Variants in SPATA17 observed in about 807,000 individuals in gnomAD.
The protein encoded by SPATA17 is spermatogenesis associated 17, also known as spermatogenesis-associated protein 17.
In SPATA17, 53 loss-of-function variants were observed where a neutral mutation model predicts 62.2. The ratio of observed to expected loss-of-function variants is 0.85; its 90% CI spans 0.68 to 1.07. SPATA17 has a LOEUF of 1.07. SPATA17 is among the 50% of genes least tolerant of loss of function. The pLI is 0.00. For missense variants in SPATA17, 466 were observed against 425.5 expected (o/e 1.10, Z -0.84); for synonymous variants, 146 against 146.8 (o/e 0.99, Z 0.04).
chr1:217,750,885 T>G (rs1454437965), intron 6 of SPATA17, among the ~76,000 whole-genome samples: 1 of 152,150 alleles, frequency 6.6e-6, no homozygotes, highest in Non-Finnish European at 1.5e-5. Flanking sequence ...GTCACACAAC[T>G]AGTTTGAATA....
chr1:217,769,874 G>A (rs542342797), intron 6 of SPATA17, among the ~76,000 whole-genome samples: 3 of 152,296 alleles, frequency 2.0e-5, no homozygotes, highest in African/African-American at 7.2e-5. Flanking sequence ...CTTAGCAAGA[G>A]TAATTGAATG....
At chr1:217,805,605 T>C (rs1177684839) in intron 9 of SPATA17, among the ~76,000 whole-genome samples, 1 of 152,190 alleles carries the variant, frequency 6.6e-6, no homozygotes, top group Non-Finnish European at 1.5e-5. Context: ...GGTAATCATT[T>C]CCTAATGTAT....
At chr1:217,632,663 G>A (rs1306954337) in intron 1 of SPATA17, among the ~76,000 whole-genome samples, 2 of 152,214 alleles carry the variant, frequency 1.3e-5, no homozygotes, top group Admixed American at 6.5e-5. Flanking sequence ...TGTCTCCAAC[G>A]TCTATGATAG....
chr1:217,679,533 G>C (rs1349475577), intron 4 of SPATA17, among the ~76,000 whole-genome samples: 2 of 152,134 alleles, frequency 1.3e-5, no homozygotes, highest in African/African-American at 4.8e-5. Context: ...TCATCTCTAA[G>C]AAAGCCACTT....
intron 6 of SPATA17, among the ~76,000 whole-genome samples, chr1:217,769,941 C>T (rs1673396823): frequency 6.6e-6 from 1 of 152,178 alleles, no homozygotes; most frequent in Non-Finnish European, 1.5e-5. Flanking sequence ...TGACTATCTC[C>T]TAACAGCAGG....
intron 8 of SPATA17, among the ~76,000 whole-genome samples, chr1:217,789,313 T>G (rs571846761): frequency 1.3e-5 from 2 of 152,344 alleles, no homozygotes; most frequent in East Asian, 3.9e-4. Flanking sequence ...CTAATAGCTA[T>G]GAATCTAATG....
At chr1:217,730,379 G>T (rs1197136526) in intron 5 of SPATA17, among the ~76,000 whole-genome samples, 2 of 151,818 alleles carry the variant, frequency 1.3e-5, no homozygotes, top group African/African-American at 2.4e-5. Context: ...ACCACACCTG[G>T]CTTAGTTTTG....
Position 217,713,630 on chromosome 1 carries a change from C to G in SPATA17, c.396-28345C>G, listed in dbSNP as rs143235809. ...CTGTACTCTGAGGCCTAGGCTTTTT[C>G]TCTCAGTTTTTTCAGAAAGCACATC... is the stretch of plus-strand genomic sequence containing the variant. On this transcript the variant is annotated intron_variant, in intron 5 of 10. Transcript: ENST00000366933. 1.3e-3 allele frequency among the ~76,000 whole-genome samples: 204 copies of G among 152,248 alleles called. 1 individual carries two copies. The highest frequency in any genetic ancestry group is 3.7e-3 in the South Asian group (18 of 4,828).
chr1:217,763,094 G>T (rs566491601), intron 6 of SPATA17, among the ~76,000 whole-genome samples: 5 of 152,290 alleles, frequency 3.3e-5, no homozygotes, highest in Admixed American at 3.3e-4. Flanking sequence ...CTTCTAATGC[G>T]CAGCCAGAGT....
At chr1:217,862,896 A>G (rs747489163) in intron 10 of SPATA17, 40 bp downstream of exon 10, 1 of 1,306,282 alleles carries the variant, frequency 7.7e-7, no homozygotes, top group Non-Finnish European at 1.1e-6. Flanking sequence ...AAAGTATATT[A>G]AATAACACTT....
At position 217,680,992 on chromosome 1, in the gene SPATA17, G is replaced by A. The variant is rs1208441292; in HGVS notation, c.292-2266G>A. Reference sequence around the variant, plus strand: ...GCCTGTAATCCCAGCACCTTGGGAGGCCAAGGCAGGCAGATCACGAGGTCA... The same window carrying A: ...GCCTGTAATCCCAGCACCTTGGGAGACCAAGGCAGGCAGATCACGAGGTCA... On this transcript the variant is annotated intron_variant, in intron 4 of 10. Coordinates refer to ENST00000366933, the MANE Select transcript of SPATA17 (RefSeq NM_138796.4). Among the ~76,000 whole-genome samples the A allele has an allele frequency of 5.2e-5, 7 of 134,436 alleles. No individual in the cohort carries two copies. The East Asian group carries it at 8.3e-4, about 16-fold the overall frequency. The allele number at this position is 134,436 out of a possible 152,430, so 88.2% of individuals were successfully genotyped here.
At chr1:217,694,636 G>C (rs1671414423) in intron 5 of SPATA17, among the ~76,000 whole-genome samples, 1 of 149,738 alleles carries the variant, frequency 6.7e-6, no homozygotes, top group African/African-American at 2.5e-5. Flanking sequence ...GGTACCGGTT[G>C]TTCCTTTCCA....
intron 9 of SPATA17, among the ~76,000 whole-genome samples, chr1:217,833,411 G>A (rs144649470): frequency 2.2e-4 from 34 of 152,256 alleles, no homozygotes; most frequent in Non-Finnish European, 3.7e-4. Context: ...GAGGGATAGC[G>A]TTAATAAGAG....
intron 8 of SPATA17, among the ~76,000 whole-genome samples, chr1:217,796,323 T>G (rs1304012553): frequency 6.6e-6 from 1 of 152,080 alleles, no homozygotes; most frequent in East Asian, 1.9e-4. Context: ...TATCAGAAAT[T>G]TGTTGCATAG....
intron 9 of SPATA17, among the ~76,000 whole-genome samples, chr1:217,824,040 T>TA (rs1674930385): frequency 6.6e-6 from 1 of 152,002 alleles, no homozygotes; most frequent in Non-Finnish European, 1.5e-5. Flanking sequence ...AGGCAGCATA[T>TA]AGTTGGGTCT....
rs183412366 is a variant in SPATA17 at position 217,859,433 on chromosome 1, C to T, written c.1006-3341C>T. Among the ~76,000 whole-genome samples, 57 of 151,552 alleles carry T rather than the reference C, an allele frequency of 3.8e-4. No individual in the cohort carries two copies. In the East Asian group the frequency reaches 8.9e-3, roughly 24 times the overall value. On this transcript the variant is annotated intron_variant, in intron 9 of 10. Transcript: ENST00000366933. ...TACGTATATATATAAAGGAATATTA[C>T]GAGGAACTCTGTCATCCATCCTGGA...
chr1:217,827,427 G>A (rs1055511132), intron 9 of SPATA17, among the ~76,000 whole-genome samples: 2 of 152,064 alleles, frequency 1.3e-5, no homozygotes, highest in Non-Finnish European at 2.9e-5. Context: ...CACTGTTGGA[G>A]GGAATGTAAA....
intron 9 of SPATA17, among the ~76,000 whole-genome samples, chr1:217,830,680 AG>A (rs1675120482): frequency 6.6e-6 from 1 of 152,142 alleles, no homozygotes. Context: ...CCATACTTCC[AG>A]GCCATACTTC....
Position 217,844,986 on chromosome 1 carries a change from T to C in SPATA17, c.1006-17788T>C, listed in dbSNP as rs535169332. Among the ~76,000 whole-genome samples, 37 of 152,266 alleles carry C rather than the reference T, an allele frequency of 2.4e-4. No individual in the cohort carries two copies. The East Asian group carries it at 4.6e-3, about 19-fold the overall frequency. ...AAATAGCCAAATACTACATGCATAA[T>C]GAATTTTAATTCTTCTATTGTAATC... On this transcript the variant is annotated intron_variant, in intron 9 of 10. Transcript: ENST00000366933.
Sources: allele counts gnomAD v4.1 joint callset (sites outside exome capture counted in the v4.1 genomes callset), GRCh38; gene constraint gnomAD v4.1.1; transcripts MANE v1.5; gene names NCBI Gene and HGNC (gene_info 2026-07-23, HGNC 2026-07-21).